HS1BP3: variants seen among roughly 807,000 people sequenced by gnomAD.
The protein encoded by HS1BP3 is HCLS1-binding protein 3.
A neutral mutation model predicts 33.5 loss-of-function variants in HS1BP3; 32 were observed. The ratio of observed to expected loss-of-function variants is 0.95; its 90% CI spans 0.72 to 1.28. The LOEUF (loss-of-function observed/expected upper bound fraction) is 1.28, where lower values mean the gene tolerates loss of function less well. HS1BP3 is among the 50% of genes most tolerant of loss of function. The pLI, the probability that HS1BP3 is intolerant of heterozygous loss-of-function variation, is 0.00. For synonymous variants in HS1BP3, 187 were observed against 209.2 expected (o/e 0.89, Z 0.92); for missense variants, 486 against 502.3 (o/e 0.97, Z 0.31).
chr2:20,562,901 C>T (rs900519666), intron 5 of HS1BP3, among the ~76,000 whole-genome samples: 2 of 152,142 alleles, frequency 1.3e-5, no homozygotes, highest in Non-Finnish European at 2.9e-5. Flanking sequence ...AATACCTATC[C>T]ACTCCCATAC....
chr2:20,565,434 G>A (rs1693102440), intron 5 of HS1BP3, among the ~76,000 whole-genome samples: 1 of 152,058 alleles, frequency 6.6e-6, no homozygotes, highest in African/African-American at 2.4e-5. Flanking sequence ...CCTGTCCCCC[G>A]CCAGACCCTC....
At chr2:20,587,554 A>G (rs139383261) in intron 5 of HS1BP3, among the ~76,000 whole-genome samples, 77 of 152,292 alleles carry the variant, frequency 5.1e-4, no homozygotes, top group African/African-American at 1.8e-3. Flanking sequence ...GTGTTCACCA[A>G]TGACAGTGGC....
intron 5 of HS1BP3, among the ~76,000 whole-genome samples, chr2:20,580,995 G>A (rs1693520514): frequency 6.6e-6 from 1 of 152,236 alleles, no homozygotes; most frequent in South Asian, 2.1e-4. Flanking sequence ...CCATGCAGAT[G>A]CCAGCTTGTC....
chr2:20,608,243 T>A (rs1694241172), intron 2 of HS1BP3, among the ~76,000 whole-genome samples: 1 of 152,136 alleles, frequency 6.6e-6, no homozygotes, highest in Non-Finnish European at 1.5e-5. Context: ...CTTGCCTAGT[T>A]TCTCTGGCTA....
intron 4 of HS1BP3, among the ~76,000 whole-genome samples, chr2:20,633,748 C>G (rs1248763175): frequency 6.6e-6 from 1 of 152,220 alleles, no homozygotes; most frequent in East Asian, 1.9e-4. Flanking sequence ...GTCTTGAACT[C>G]CTGATCTCAA....
chr2:20,641,480 C>G (rs941984687), intron 2 of HS1BP3, among the ~76,000 whole-genome samples: 1 of 152,170 alleles, frequency 6.6e-6, no homozygotes, highest in Non-Finnish European at 1.5e-5. Context: ...CCAGCCTGCA[C>G]GTGATCAGGG....
chr2:20,560,779 C>T (rs543497978), intron 5 of HS1BP3, among the ~76,000 whole-genome samples: 63 of 152,232 alleles, frequency 4.1e-4, no homozygotes, highest in African/African-American at 1.3e-3. Flanking sequence ...CTATGGCCTC[C>T]GACTGCAGGC....
chr2:20,594,350 GTGA>G (rs1558327062), intron 3 of HS1BP3, among the ~76,000 whole-genome samples: 2 of 152,234 alleles, frequency 1.3e-5, no homozygotes, highest in African/African-American at 2.4e-5. Flanking sequence ...CCTGGAGGAG[GTGA>G]ATGGGTCTGA....
chr2:20,621,413 C>G (rs760185065), intron 6 of HS1BP3, among the ~76,000 whole-genome samples: 44 of 152,280 alleles, frequency 2.9e-4, no homozygotes, highest in Non-Finnish European at 5.7e-4. Flanking sequence ...CCCAGAGGGA[C>G]TGGCCCAAGC....
intron 5 of HS1BP3, among the ~76,000 whole-genome samples, chr2:20,582,269 C>T (rs1187891664): frequency 6.6e-6 from 1 of 152,190 alleles, no homozygotes; most frequent in Non-Finnish European, 1.5e-5. Flanking sequence ...GACACAGCCT[C>T]CTGTGCTCAG....
downstream of HS1BP3, among the ~76,000 whole-genome samples, chr2:20,589,454 C>A (rs956028825): frequency 2.6e-5 from 4 of 151,934 alleles, no homozygotes; most frequent in Non-Finnish European, 5.9e-5. Context: ...TGCTCCCCTG[C>A]ATGCTAGGTG....
At chr2:20,573,284 G>A (rs1558318612) in intron 5 of HS1BP3, among the ~76,000 whole-genome samples, 1 of 152,082 alleles carries the variant, frequency 6.6e-6, no homozygotes, top group Non-Finnish European at 1.5e-5. Flanking sequence ...AGGGAGCATG[G>A]GCCTGCTGAC....
At chr2:20,627,350 C>T (rs1207362696) in intron 4 of HS1BP3, among the ~76,000 whole-genome samples, 3 of 152,250 alleles carry the variant, frequency 2.0e-5, no homozygotes, top group East Asian at 1.9e-4. Flanking sequence ...TAACCAGCCA[C>T]GGGCCCCTCG....
chr2:20,559,140 C>A (rs1285416869), downstream of HS1BP3, among the ~76,000 whole-genome samples: 1 of 152,142 alleles, frequency 6.6e-6, no homozygotes, highest in African/African-American at 2.4e-5. Flanking sequence ...GGAACTGGGG[C>A]CAGAGAGGGA....
At chr2:20,564,522 C>T (rs1048402900) in intron 5 of HS1BP3, among the ~76,000 whole-genome samples, 13 of 152,154 alleles carry the variant, frequency 8.5e-5, no homozygotes, top group Non-Finnish European at 1.0e-4. Flanking sequence ...TTTCACTTGT[C>T]CCCCAGGCTG....
chr2:20,573,780 A>G (rs889717655), intron 5 of HS1BP3, among the ~76,000 whole-genome samples: 2 of 152,250 alleles, frequency 1.3e-5, no homozygotes, highest in Non-Finnish European at 2.9e-5. Context: ...CCCGGAATCC[A>G]GACAGCCTCC....
chr2:20,585,519 T>G (rs1693659879), intron 5 of HS1BP3, among the ~76,000 whole-genome samples: 1 of 152,216 alleles, frequency 6.6e-6, no homozygotes, highest in South Asian at 2.1e-4. Context: ...GATAAGTAAC[T>G]TGCCCAAGGT....
chr2:20,578,484 G>A (rs1466488450), intron 5 of HS1BP3, among the ~76,000 whole-genome samples: 2 of 152,200 alleles, frequency 1.3e-5, no homozygotes, highest in Non-Finnish European at 1.5e-5. Flanking sequence ...GACAACCGGG[G>A]CAGTTCTTGC....
intron 2 of HS1BP3, among the ~76,000 whole-genome samples, chr2:20,609,754 G>A (rs377058685): frequency 2.0e-4 from 31 of 152,338 alleles, no homozygotes; most frequent in African/African-American, 7.5e-4. Context: ...TTGGTGCCAG[G>A]ACTTCCAGGC....
Sources: allele counts gnomAD v4.1 joint callset (sites outside exome capture counted in the v4.1 genomes callset), GRCh38; gene constraint gnomAD v4.1.1; transcripts MANE v1.5; gene names NCBI Gene and HGNC (gene_info 2026-07-23, HGNC 2026-07-21).